Variants in TANC2 observed in about 807,000 individuals in gnomAD.
TANC2 encodes tetratricopeptide repeat, ankyrin repeat and coiled-coil containing 2, also known as protein TANC2.
In TANC2, 26 loss-of-function variants were observed where a neutral mutation model predicts 210.5. The observed-to-expected ratio is 0.12, with a 90% CI of 0.09 to 0.17. The LOEUF is 0.17. Among genes scored for constraint, TANC2 ranks in the 10% least tolerant of loss-of-function variants. The pLI, the probability that TANC2 is intolerant of heterozygous loss-of-function variation, is 1.00. For synonymous variants in TANC2, 931 were observed against 967.1 expected, an observed-to-expected ratio of 0.96 and a Z score of 0.69; for missense variants, 2,129 against 2,608.9, an observed-to-expected ratio of 0.82 and a Z score of 4.01.
At chr17:63,102,511 G>A (rs1598402241) in intron 4 of TANC2, among the ~76,000 whole-genome samples, 1 of 150,398 alleles carries the variant, frequency 6.6e-6, no homozygotes, top group African/African-American at 2.5e-5. Flanking sequence ...TAGGATACAT[G>A]TGCACAATGT....
chr17:63,397,320 AAAT>A (rs1393892510), intron 18 of TANC2, among the ~76,000 whole-genome samples: 6 of 152,178 alleles, frequency 3.9e-5, no homozygotes, highest in Non-Finnish European at 8.8e-5. Flanking sequence ...CACAACTTAC[AAAT>A]AATAATGAAC....
intron 9 of TANC2, among the ~76,000 whole-genome samples, chr17:63,276,646 C>A (rs1598755591): frequency 1.3e-5 from 2 of 152,120 alleles, no homozygotes; most frequent in East Asian, 3.9e-4. Context: ...TTCAAAGATT[C>A]AAAGTAAGAT....
At chr17:63,088,320 A>G (rs984556936) in intron 3 of TANC2, 1 of 152,174 alleles carries the variant, frequency 6.6e-6, no homozygotes, top group Non-Finnish European at 1.5e-5. Context: ...CATTACATAT[A>G]TGATTTCTCT....
At chr17:63,361,159 A>C (rs1216531198) in intron 14 of TANC2, among the ~76,000 whole-genome samples, 1 of 152,210 alleles carries the variant, frequency 6.6e-6, no homozygotes, top group Non-Finnish European at 1.5e-5. Context: ...GGGTATATAC[A>C]TAGGACTGGG....
rs921367419 is a variant in TANC2, at chr17:63,412,701, G to A, written c.3920G>A (p.Arg1307His). The A allele has an allele frequency of 1.4e-5, 21 of 1,533,416 alleles. No homozygotes were observed. In the East Asian group the frequency reaches 3.2e-4, roughly 23 times the overall value. 95.0% of individuals were successfully genotyped at this position (1,533,416 alleles called of 1,614,324 possible). A position where few individuals can be genotyped will look rare whatever the true frequency, so the allele number is the denominator to read the frequency against. Residue 1307 changes from arginine (R) to histidine (H), a missense_variant, in exon 24 of 28, where the codon CGC becomes CAC. Physicochemically the swap from Arg to His is conservative, Grantham distance 29. Coordinates refer to ENST00000689528, the Ensembl canonical transcript of TANC2. This position sits in a 1 kb window ranked among gnomAD's most constrained non-coding sequence, Gnocchi z 4.2. ...GAAGGTTGTCAGACGTTACCGAGTC[G>A]CCCACGAGGTATATTTCACCGCTGT...
intron 4 of TANC2, among the ~76,000 whole-genome samples, chr17:63,103,301 T>TA (rs1471377448): frequency 6.6e-6 from 1 of 152,204 alleles, no homozygotes; most frequent in Non-Finnish European, 1.5e-5. Context: ...CATTTGCAGA[T>TA]ATAGGTCCAT....
At chr17:62,995,411 G>A (rs1474212315) in intron 1 of TANC2, among the ~76,000 whole-genome samples, 3 of 152,192 alleles carry the variant, frequency 2.0e-5, no homozygotes, top group African/African-American at 7.2e-5. Context: ...ACTTGACTTA[G>A]TTGAAATTCA....
chr17:63,072,706 A>G (rs2036440149), intron 2 of TANC2, among the ~76,000 whole-genome samples: 1 of 152,040 alleles, frequency 6.6e-6, no homozygotes, highest in East Asian at 1.9e-4. Flanking sequence ...CTGGCAATGT[A>G]CTTATTATTT....
At chr17:63,121,544 A>G (rs1230494634) in intron 4 of TANC2, among the ~76,000 whole-genome samples, 2 of 152,132 alleles carry the variant, frequency 1.3e-5, no homozygotes, top group East Asian at 3.9e-4. Context: ...TGTAGCCTGA[A>G]GTGGTACCCA....
intron 2 of TANC2, among the ~76,000 whole-genome samples, chr17:63,021,521 G>T (rs1165526304): frequency 6.6e-6 from 1 of 152,200 alleles, no homozygotes; most frequent in African/African-American, 2.4e-5. Flanking sequence ...GCATCACGAG[G>T]CCCTCAACAG....
intron 3 of TANC2, among the ~76,000 whole-genome samples, chr17:63,093,690 C>G (rs1379840402): frequency 6.6e-6 from 1 of 152,150 alleles, no homozygotes; most frequent in Non-Finnish European, 1.5e-5. Flanking sequence ...TGCTTCAAAC[C>G]TGTAGATCAC....
intron 1 of TANC2, among the ~76,000 whole-genome samples, chr17:62,988,792 G>A (rs1461282444): frequency 6.6e-6 from 1 of 152,160 alleles, no homozygotes. Context: ...CAGCACTCAG[G>A]TATGGCTTTG....
At chr17:63,022,327 C>T (rs557791928) in intron 2 of TANC2, among the ~76,000 whole-genome samples, 14 of 116,712 alleles carry the variant, frequency 1.2e-4, no homozygotes, top group African/African-American at 3.2e-4. Flanking sequence ...GGCCACAGAG[C>T]GAAACTCCAT....
chr17:63,421,591 T>C lies in TANC2; in HGVS notation c.5861T>C (p.Val1954Ala). The C allele has an allele frequency of 6.2e-7, 1 of 1,613,966 alleles. No homozygotes were observed. Among genetic ancestry groups the C allele is most frequent in the Non-Finnish European group, 8.5e-7 (1 of 1,179,866 alleles). Residue 1954 changes from valine (V) to alanine (A), a missense_variant, in exon 28 of 28, where the codon GTG becomes GCG. Val to Ala is a moderately conservative substitution (Grantham distance 64). This residue lies in a region of TANC2 where 161 missense variants were observed against 178.6 expected (regional missense o/e 0.90). Coordinates refer to ENST00000689528, the Ensembl canonical transcript of TANC2. This position sits in a 1 kb window ranked among gnomAD's most constrained non-coding sequence, Gnocchi z 6.9. ...CACCAGCAGAATCGGACCTGGGCAG[T>C]GTCATCTGTGGACACCGTCCTCAGT...
rs549235482 is a variant in TANC2 at position 63,326,349 on chromosome 17, A to G, written c.1575+7259A>G. Among the ~76,000 whole-genome samples the G allele has an allele frequency of 4.6e-5, 7 of 152,338 alleles. No individual in the cohort carries two copies. In the South Asian group the frequency reaches 1.2e-3, roughly 27 times the overall value. On this transcript the variant is annotated intron_variant, in intron 11 of 27. Coordinates refer to ENST00000689528, the Ensembl canonical transcript of TANC2. ...ACCATATAGATAACTCATATCTCAC[A>G]CCATGCACAAGAATAAGCAAATGGA...
intron 1 of TANC2, among the ~76,000 whole-genome samples, chr17:62,988,117 C>A (rs2032665852): frequency 6.6e-6 from 1 of 152,010 alleles, no homozygotes; most frequent in Non-Finnish European, 1.5e-5. Flanking sequence ...TTCAAGATGT[C>A]TTAGACTAGA....
chr17:62,972,742 C>T (rs939530497), intron 1 of TANC2, among the ~76,000 whole-genome samples: 2 of 152,182 alleles, frequency 1.3e-5, no homozygotes, highest in African/African-American at 2.4e-5. Flanking sequence ...CCTCTTTAGA[C>T]TCATTGCCTG....
intron 7 of TANC2, among the ~76,000 whole-genome samples, chr17:63,202,358 T>C (rs994636070): frequency 6.6e-6 from 1 of 152,112 alleles, no homozygotes; most frequent in Non-Finnish European, 1.5e-5. Flanking sequence ...AAAACATAAA[T>C]GGCATTTCTG....
rs150889253 is a variant in TANC2, at chr17:63,344,387, T to C, written c.1807+4055T>C. The stretch of plus-strand genomic sequence containing the variant: ...GATAAAGGACAACTCCAAAAATACA[T>C]GTAGTGAAATGTTGAATGCTTTTTT... On this transcript the variant is annotated intron_variant, in intron 12 of 27. Coordinates refer to ENST00000689528, the Ensembl canonical transcript of TANC2. Among the ~76,000 whole-genome samples, 99 of 152,274 alleles carry C rather than the reference T, an allele frequency of 6.5e-4. 1 individual carries two copies. In the East Asian group the frequency reaches 0.018, roughly 27 times the overall value.
Sources: allele counts gnomAD v4.1 joint callset (sites outside exome capture counted in the v4.1 genomes callset), GRCh38; gene constraint gnomAD v4.1.1; regional missense constraint gnomAD v4.1.1; non-coding constraint Gnocchi (gnomAD v3.1); transcripts MANE v1.5; gene names NCBI Gene and HGNC (gene_info 2026-07-23, HGNC 2026-07-21).